The following IRAG1 variants were observed in gnomAD, a reference collection of about 807,000 sequenced individuals.
IRAG1 encodes the protein inositol 1,4,5-triphosphate receptor associated 1, also known as IP3R-associated cGMP kinase substrate.
Under a neutral mutation model 106.2 loss-of-function variants are expected in IRAG1, and 62 were observed. The ratio of observed to expected loss-of-function variants is 0.58; its 90% confidence interval spans 0.48 to 0.72. The LOEUF (loss-of-function observed/expected upper bound fraction) is 0.72, where lower values mean the gene tolerates loss of function less well. Ranked by LOEUF, IRAG1 falls within the 30% of genes least tolerant of loss-of-function variation. The probability of loss-of-function intolerance (pLI) is 0.00; values close to 1 mark genes in which losing one functional copy is unlikely to be tolerated. For synonymous variants in IRAG1, 462 were observed against 443.9 expected, an observed-to-expected ratio of 1.04 and a Z score of -0.51; for missense variants, 1,064 against 1,140.7, an observed-to-expected ratio of 0.93 and a Z score of 0.97.
rs1473560917 is a variant in IRAG1, at chr11:10,629,650, C to T, written c.462G>A (p.Glu154=). 1 of 1,613,958 alleles carries T rather than the reference C, an allele frequency of 6.2e-7. No individual in the cohort carries two copies. The highest frequency in any genetic ancestry group is 8.5e-7 in the Non-Finnish European group (1 of 1,179,858). Residue 154 remains glutamate (E), a synonymous_variant, in exon 5 of 21, where the codon GAG becomes GAA. Coordinates refer to ENST00000423302, the MANE Select transcript of IRAG1 (RefSeq NM_130385.4). The part of the protein sequence containing the change: ...NDQLPDISIS[E]EDKKKNLALL... ...GCGCCAGGTTTTTCTTCTTGTCCTC[C>T]TCTGAGATGCTGATGTCTGGCAGCT...
At chr11:10,608,142 G>A (rs1324368126) in intron 11 of IRAG1, among the ~76,000 whole-genome samples, 1 of 152,028 alleles carries the variant, frequency 6.6e-6, no homozygotes, top group Non-Finnish European at 1.5e-5. Flanking sequence ...TGGGGACAGG[G>A]TCTCGCTCTG....
rs1453833603 is a variant in IRAG1 at position 10,665,775 on chromosome 11, C to A, written c.68-13593G>T. Reference sequence around the variant, plus strand: ...AGCAGCTGTGGATCTTGGCCAGGGTCTTTTTTTCACCAATAGACTCTGAGC... The same window carrying A: ...AGCAGCTGTGGATCTTGGCCAGGGTATTTTTTTCACCAATAGACTCTGAGC... On this transcript the variant is annotated intron_variant, in intron 1 of 20. Transcript: ENST00000423302. The surrounding 1 kb of genome is among the most constrained non-coding windows in gnomAD (Gnocchi z 4.2). Among the ~76,000 whole-genome samples, 2 of 152,142 alleles carry A rather than the reference C, an allele frequency of 1.3e-5. No individual in the cohort carries two copies. The highest frequency in any genetic ancestry group is 2.9e-5 in the Non-Finnish European group (2 of 68,012).
At chr11:10,609,695 C>T (rs1252348372) in intron 11 of IRAG1, 33 bp downstream of exon 11, 1 of 1,601,486 alleles carries the variant, frequency 6.2e-7, no homozygotes, top group Non-Finnish European at 8.5e-7. Context: ...CCACTCGGTA[C>T]AGGGCCTTCT....
In IRAG1 at chr11:10,603,241, G is replaced by A. The variant is rs1397797004; in HGVS notation, c.1754C>T (p.Ser585Leu). Residue 585 changes from serine to leucine, a missense_variant, in exon 14 of 21, where the codon TCA becomes TTA. Ser to Leu is a moderately radical substitution (Grantham distance 145, BLOSUM62 -2). Transcript: ENST00000423302. ...NFKASITSSA[S>L]LWHHCEHRET... Reference sequence around the variant, plus strand: ...CCGGTGCTCACAGTGGTGCCAGAGTGAAGCTGAGGACTGAACAGGAGTAGG... The same window carrying A: ...CCGGTGCTCACAGTGGTGCCAGAGTAAAGCTGAGGACTGAACAGGAGTAGG... 1.2e-6 allele frequency: 2 copies of A among 1,613,654 alleles called. No homozygotes were observed. Among genetic ancestry groups the A allele is most frequent in the Admixed American group, 3.3e-5 (2 of 60,018 alleles).
intron 4 of IRAG1, among the ~76,000 whole-genome samples, chr11:10,630,499 G>C (rs530628123): frequency 6.6e-6 from 1 of 151,944 alleles, no homozygotes; most frequent in African/African-American, 2.4e-5. Context: ...AGCCTCGCTC[G>C]TACTTGTTAG....
intron 2 of IRAG1, among the ~76,000 whole-genome samples, chr11:10,645,993 G>A (rs1245819506): frequency 6.6e-6 from 1 of 152,212 alleles, no homozygotes; most frequent in African/African-American, 2.4e-5. Context: ...TCTAGATGAG[G>A]AAACTGGGGC....
Position 10,580,462 on chromosome 11 carries a change from T to C in IRAG1, c.2488A>G (p.Arg830Gly), listed in dbSNP as rs935567331. ...EETEEEEKGP[R>G]SSKLEELVHF... ...CAAACACAGGCTTCCCACCTGCTTC[T>C]TGGGCCCTTTTCCTCTTCCTCAGTT... The change falls in exon 20 of 21, where the codon AGA (arginine) becomes GGA (glycine). Residue 830 changes from arginine to glycine, a missense_variant. Arg to Gly is a moderately radical substitution (Grantham distance 125). Coordinates refer to ENST00000423302, the MANE Select transcript of IRAG1 (RefSeq NM_130385.4). The C allele has an allele frequency of 1.2e-6, 2 of 1,612,568 alleles. No individual in the cohort carries two copies. The highest frequency in any genetic ancestry group is 3.4e-5 in the Admixed American group (2 of 59,634).
chr11:10,680,522 A>C (rs1282129703), intron 1 of IRAG1, among the ~76,000 whole-genome samples: 1 of 134,388 alleles, frequency 7.4e-6, no homozygotes, highest in Non-Finnish European at 1.5e-5. Flanking sequence ...AAAGAAAGGA[A>C]GAAAGGAAGG....
intron 3 of IRAG1, among the ~76,000 whole-genome samples, chr11:10,633,293 T>G (rs1405308154): frequency 6.6e-6 from 1 of 152,156 alleles, no homozygotes; most frequent in South Asian, 2.1e-4. Context: ...GCCAGGATGG[T>G]CTCGATCTCC....
chr11:10,619,497 T>TTCTGA (rs1198005631), intron 10 of IRAG1, among the ~76,000 whole-genome samples: 2,523 of 152,122 alleles, frequency 0.017, 1 homozygote, highest in African/African-American at 0.058. Flanking sequence ...TTTCAGAATA[T>TTCTGA]AAGAAAAGAA....
chr11:10,669,925 C>T (rs1368390019), intron 1 of IRAG1, among the ~76,000 whole-genome samples: 1 of 152,060 alleles, frequency 6.6e-6, no homozygotes, highest in Non-Finnish European at 1.5e-5. Context: ...CACTCAGAGG[C>T]CAAGAGAGTT....
At chr11:10,606,448 G>A (rs1477636802) in intron 12 of IRAG1, among the ~76,000 whole-genome samples, 2 of 152,210 alleles carry the variant, frequency 1.3e-5, no homozygotes, top group African/African-American at 2.4e-5. Context: ...CTCCCAGCTG[G>A]TTTTGTGTAT....
chr11:10,662,630 TCAAA>T (rs1859486024), intron 1 of IRAG1, among the ~76,000 whole-genome samples: 1 of 152,220 alleles, frequency 6.6e-6, no homozygotes, highest in African/African-American at 2.4e-5. Context: ...AAGCATTTCC[TCAAA>T]CAGTTGGTTA....
At chr11:10,627,882 C>T in intron 7 of IRAG1, 91 bp downstream of exon 7, 1 of 1,571,790 alleles carries the variant, frequency 6.4e-7, no homozygotes. Flanking sequence ...ACCCTCATCT[C>T]CAGTGGGTCA....
In IRAG1 at chr11:10,665,236, T is replaced by A. The variant is rs1302525243; in HGVS notation, c.68-13054A>T. ...CTAACTTAGAATATCACCATGCCCTTTTCCTCAGAACCTGTTCCTCTTTCT... is the reference window on the plus strand; with the variant it reads ...CTAACTTAGAATATCACCATGCCCTATTCCTCAGAACCTGTTCCTCTTTCT... On this transcript the variant is annotated intron_variant, in intron 1 of 20. Transcript: ENST00000423302. This position sits in a 1 kb window ranked among gnomAD's most constrained non-coding sequence, Gnocchi z 4.2. Among the ~76,000 whole-genome samples the A allele has an allele frequency of 1.3e-5, 2 of 152,148 alleles. No individual in the cohort carries two copies. Among genetic ancestry groups the A allele is most frequent in the African/African-American group, 4.8e-5 (2 of 41,434 alleles).
intron 1 of IRAG1, among the ~76,000 whole-genome samples, chr11:10,676,153 C>T (rs187557406): frequency 3.9e-5 from 6 of 152,368 alleles, no homozygotes; most frequent in Admixed American, 6.5e-5. Context: ...TTAGTGGCTT[C>T]GCTTTGCCTC....
At chr11:10,668,587 A>G in intron 1 of IRAG1, among the ~76,000 whole-genome samples, 1 of 152,218 alleles carries the variant, frequency 6.6e-6, no homozygotes. Context: ...AGACACTCTG[A>G]CTTATAAAGC....
chr11:10,654,712 G>C (rs1858788021), intron 1 of IRAG1, among the ~76,000 whole-genome samples: 1 of 152,226 alleles, frequency 6.6e-6, no homozygotes, highest in Admixed American at 6.5e-5. Flanking sequence ...TGGGAACTGG[G>C]ATGGTGGGAC....
intron 1 of IRAG1, among the ~76,000 whole-genome samples, chr11:10,675,278 AC>A (rs1321416796): frequency 6.6e-6 from 1 of 152,028 alleles, no homozygotes; most frequent in Non-Finnish European, 1.5e-5. Context: ...CCTTTGTCAG[AC>A]CCCAAGTAGA....
Sources: gnomAD v4.1 joint callset for allele counts (sites outside exome capture counted in the v4.1 genomes callset) on GRCh38, gnomAD v4.1.1 for gene constraint, Gnocchi (gnomAD v3.1) non-coding constraint, MANE v1.5 for transcripts, NCBI Gene and HGNC (gene_info 2026-07-23, HGNC 2026-07-21) for gene names.